The following SLC25A15 variants were observed in gnomAD, a reference collection of about 807,000 sequenced individuals.
The protein encoded by SLC25A15 is mitochondrial ornithine transporter 1.
Under a neutral mutation model 32.3 loss-of-function variants are expected in SLC25A15, and 24 were observed. The ratio of observed to expected loss-of-function variants is 0.74; its 90% CI spans 0.54 to 1.04. SLC25A15 has a LOEUF of 1.04. SLC25A15 is among the 50% of genes least tolerant of loss of function. The pLI is 0.00. For synonymous variants in SLC25A15, 132 were observed against 142.1 expected (o/e 0.93, Z 0.51); for missense variants, 317 against 374.5 (o/e 0.85, Z 1.27).
intron 2 of SLC25A15, 134 bp from the exon 3 acceptor site, chr13:40,798,923 G>A: frequency 1.3e-6 from 2 of 1,586,528 alleles, no homozygotes; most frequent in Non-Finnish European, 1.7e-6. Context: ...GGACATGGCT[G>A]GAAGGTTTTG....
chr13:40,797,571 G>T (rs1000930869), intron 2 of SLC25A15, among the ~76,000 whole-genome samples: 1 of 152,088 alleles, frequency 6.6e-6, no homozygotes, highest in Non-Finnish European at 1.5e-5. Context: ...GGCAATTAAA[G>T]GCGGAAGTGT....
At chr13:40,806,675 T>C (rs1220712206) in intron 4 of SLC25A15, among the ~76,000 whole-genome samples, 2 of 152,224 alleles carry the variant, frequency 1.3e-5, no homozygotes, top group African/African-American at 4.8e-5. Flanking sequence ...TCCTTCTTGC[T>C]GAGAACAAAG....
At position 40,811,879 on chromosome 13, in the gene SLC25A15, T is replaced by C. The variant is rs1029135271; in HGVS notation, c.*2212T>C. 3.9e-5 allele frequency among the ~76,000 whole-genome samples: 6 copies of C among 152,178 alleles called. No individual in the cohort carries two copies. Among genetic ancestry groups the C allele is most frequent in the African/African-American group, 1.4e-4 (6 of 41,434 alleles). The stretch of plus-strand genomic sequence containing the variant: ...CTGTCCATGAATCCTCTGTGGCAAC[T>C]GTAATCACAGAGCCAGAAGCCAGAG... On this transcript the variant is annotated 3_prime_UTR_variant, in exon 7 of 7. Coordinates refer to ENST00000338625, the MANE Select transcript of SLC25A15 (RefSeq NM_014252.4).
At chr13:40,790,319 C>A (rs1881435586) in intron 1 of SLC25A15, among the ~76,000 whole-genome samples, 1 of 152,178 alleles carries the variant, frequency 6.6e-6, no homozygotes, top group Non-Finnish European at 1.5e-5. Context: ...GTGGTCGGCA[C>A]TGTTGTTCCT....
chr13:40,795,755 GCAAATGGAA>G (rs1157795124), intron 2 of SLC25A15, among the ~76,000 whole-genome samples: 1 of 152,162 alleles, frequency 6.6e-6, no homozygotes, highest in Non-Finnish European at 1.5e-5. Context: ...CCTATGGAAT[GCAAATGGAA>G]CCCACTTTTG....
chr13:40,808,233 G>C (rs186897513), intron 5 of SLC25A15, among the ~76,000 whole-genome samples: 1 of 152,224 alleles, frequency 6.6e-6, no homozygotes, highest in Non-Finnish European at 1.5e-5. Context: ...GCAAGACCCA[G>C]GAGTAGACCT....
rs989995166 is a variant in SLC25A15, at chr13:40,809,784, T to C, written c.*117T>C. On this transcript the variant is annotated 3_prime_UTR_variant, in exon 7 of 7. Transcript: ENST00000338625. The stretch of plus-strand genomic sequence containing the variant: ...TCTGATTTCTTGGGAATTTTGCTTT[T>C]TGTCTTCCCTTCTACCCTACATCTT... The C allele has an allele frequency of 1.6e-5, 17 of 1,069,634 alleles. No homozygotes were observed. In the Admixed American group the frequency reaches 2.9e-4, roughly 18 times the overall value. The allele number at this position is 1,069,634 out of a possible 1,614,324, so 66.3% of individuals were successfully genotyped here. A position where few individuals can be genotyped will look rare whatever the true frequency, so the allele number is the denominator to read the frequency against.
intron 3 of SLC25A15, among the ~76,000 whole-genome samples, chr13:40,801,580 G>T (rs1414269579): frequency 6.6e-6 from 1 of 152,126 alleles, no homozygotes; most frequent in African/African-American, 2.4e-5. Flanking sequence ...CACAGTTGGG[G>T]GTCTGGAATA....
At position 40,793,054 on chromosome 13, in the gene SLC25A15, C is replaced by G. The variant is rs1314630759; in HGVS notation, c.-69-104C>G. Reference sequence around the variant, plus strand: ...CCTTTCCTTTGGAACAGTGTGGACCCCAGGTCATGGCTCCCAGAAGTTTAG... The same window carrying G: ...CCTTTCCTTTGGAACAGTGTGGACCGCAGGTCATGGCTCCCAGAAGTTTAG... On this transcript the variant is annotated intron_variant, in intron 1 of 6. Transcript: ENST00000338625. 8.6e-6 allele frequency: 6 copies of G among 695,868 alleles called. No homozygotes were observed. The African/African-American group carries it at 8.8e-5, about 10-fold the overall frequency. 43.1% of individuals were successfully genotyped at this position (695,868 alleles called of 1,614,324 possible).
chr13:40,792,295 G>T (rs898374496), intron 1 of SLC25A15, among the ~76,000 whole-genome samples: 4 of 152,224 alleles, frequency 2.6e-5, no homozygotes, highest in Non-Finnish European at 5.9e-5. Context: ...CCCAGGTGTT[G>T]TATCTCAAAG....
chr13:40,807,742 G>C (rs1432413272), intron 5 of SLC25A15, among the ~76,000 whole-genome samples: 2 of 152,148 alleles, frequency 1.3e-5, no homozygotes, highest in African/African-American at 4.8e-5. Flanking sequence ...CTATTTTAGG[G>C]GAGAAGAAAT....
intron 5 of SLC25A15, 116 bp downstream of exon 5, chr13:40,807,579 G>A: frequency 1.7e-6 from 2 of 1,188,310 alleles, no homozygotes; most frequent in Non-Finnish European, 2.5e-6. Flanking sequence ...GGCTCCATCT[G>A]GCACAGGGAA....
chr13:40,796,142 C>G (rs1881663745), intron 2 of SLC25A15, among the ~76,000 whole-genome samples: 1 of 152,152 alleles, frequency 6.6e-6, no homozygotes, highest in African/African-American at 2.4e-5. Context: ...GGAAGCGATC[C>G]ATCTGTAAGC....
intron 1 of SLC25A15, among the ~76,000 whole-genome samples, chr13:40,790,912 G>A (rs1248302686): frequency 2.0e-5 from 3 of 152,270 alleles, no homozygotes; most frequent in South Asian, 2.1e-4. Flanking sequence ...ATGTGTTTAA[G>A]TTTGGCTCAC....
intron 3 of SLC25A15, among the ~76,000 whole-genome samples, chr13:40,803,452 G>A (rs1209663721): frequency 2.6e-5 from 4 of 152,208 alleles, no homozygotes; most frequent in Non-Finnish European, 4.4e-5. Context: ...GCCTCCCAAA[G>A]TGCTGGAATT....
rs191783131 is a variant in SLC25A15 at position 40,805,269 on chromosome 13, G to T, written c.452+14G>T. 1.2e-6 allele frequency: 2 copies of T among 1,613,972 alleles called. No individual in the cohort carries two copies. Among genetic ancestry groups the T allele is most frequent in the Non-Finnish European group, 1.7e-6 (2 of 1,179,958 alleles). The stretch of plus-strand genomic sequence containing the variant: ...CAAGAGCCAGAAGTAAGCACCACTT[G>T]GGCACAAACGTCAGGTCTCTATTGC... On this transcript the variant is annotated intron_variant, in intron 4 of 6. Coordinates refer to ENST00000338625, the MANE Select transcript of SLC25A15 (RefSeq NM_014252.4).
At chr13:40,793,315 C>T (rs760271186) in intron 2 of SLC25A15, 34 bp downstream of exon 2, 14 of 1,563,446 alleles carry the variant, frequency 9.0e-6, no homozygotes, top group East Asian at 2.2e-5. Flanking sequence ...ATGTTTCTGT[C>T]GTTGATGGAT....
At chr13:40,792,766 C>T (rs1433724352) in intron 1 of SLC25A15, among the ~76,000 whole-genome samples, 1 of 152,094 alleles carries the variant, frequency 6.6e-6, no homozygotes, top group Non-Finnish European at 1.5e-5. Flanking sequence ...TTGTGAGATC[C>T]CCTTAGGCAC....
At chr13:40,808,343 T>C in intron 5 of SLC25A15, 95 bp from the exon 6 acceptor site, 1 of 1,049,104 alleles carries the variant, frequency 9.5e-7, no homozygotes, top group East Asian at 2.4e-5. Context: ...ATTTTTATTT[T>C]CATCTACCTG....
Sources: gnomAD v4.1 joint callset for allele counts (sites outside exome capture counted in the v4.1 genomes callset) on GRCh38, gnomAD v4.1.1 for gene constraint, MANE v1.5 for transcripts, NCBI Gene and HGNC (gene_info 2026-07-23, HGNC 2026-07-21) for gene names.